RERE: variants seen among roughly 807,000 people sequenced by gnomAD.
The protein encoded by RERE is arginine-glutamic acid dipeptide repeats, also known as arginine-glutamic acid dipeptide repeats protein.
Under a neutral mutation model 146.1 loss-of-function variants are expected in RERE, and 40 were observed. The ratio of observed to expected loss-of-function variants is 0.27; its 90% CI spans 0.21 to 0.36. The LOEUF (loss-of-function observed/expected upper bound fraction) is 0.36. Among genes scored for constraint, RERE ranks in the 10% least tolerant of loss-of-function variants. The probability of loss-of-function intolerance (pLI) is 1.00; values close to 1 mark genes in which losing one functional copy is unlikely to be tolerated. For synonymous variants in RERE, 1,003 were observed against 866.0 expected, an observed-to-expected ratio of 1.16 and a Z score of -2.78; for missense variants, 1,933 against 2,138.7, an observed-to-expected ratio of 0.90 and a Z score of 1.90.
At chr1:8,556,334 G>C (rs1266155013) in intron 6 of RERE, 141 bp downstream of exon 6, 1 of 564,276 alleles carries the variant, frequency 1.8e-6, no homozygotes, top group Admixed American at 2.5e-5. Flanking sequence ...ACAATCCAGA[G>C]CGGACACTGG....
rs1040814453 is a variant in RERE at position 8,376,048 on chromosome 1, C to T, written c.1285-10074G>A. 2.0e-5 allele frequency among the ~76,000 whole-genome samples: 3 copies of T among 152,312 alleles called. No homozygotes were observed. The South Asian group carries it at 6.2e-4, about 32-fold the overall frequency. ...CAACTGAAGCACAGTGAGATGAAGC[C>T]ATGTGGCCAAGCTCAGTTTCAATGA... On this transcript the variant is annotated intron_variant, in intron 12 of 22. Transcript: ENST00000400908.
chr1:8,601,551 G>T (rs1244990254), intron 4 of RERE, among the ~76,000 whole-genome samples: 1 of 150,334 alleles, frequency 6.7e-6, no homozygotes, highest in African/African-American at 2.5e-5. Context: ...GCCTTAAGAT[G>T]TTATTCCCAA....
In RERE at chr1:8,634,615, G is replaced by A. The variant is rs1032746549; in HGVS notation, c.326-10235C>T. The stretch of plus-strand genomic sequence containing the variant: ...AAATGAAACCTGTTCCCTGACTCTC[G>A]AAATCTACCCATACCTACTCCTTCT... On this transcript the variant is annotated intron_variant, in intron 2 of 22. Coordinates refer to ENST00000400908, the MANE Select transcript of RERE (RefSeq NM_001042681.2). 4.6e-5 allele frequency among the ~76,000 whole-genome samples: 7 copies of A among 152,240 alleles called. No individual in the cohort carries two copies. In the South Asian group the frequency reaches 6.2e-4, roughly 14 times the overall value.
Position 8,736,837 on chromosome 1 carries a change from G to A in RERE, c.-145+80323C>T, listed in dbSNP as rs564507511. ...GAGTTATAGGTGTCTGTTACCTCTA[G>A]GAGAAGCAAGGGGGAAAAAAAAAAA... On this transcript the variant is annotated intron_variant, in intron 1 of 22. Coordinates refer to ENST00000400908, the MANE Select transcript of RERE (RefSeq NM_001042681.2). Among the ~76,000 whole-genome samples the A allele has an allele frequency of 6.2e-5, 8 of 129,000 alleles. No homozygotes were observed. In the South Asian group the frequency reaches 2.0e-3, roughly 32 times the overall value. The allele number at this position is 129,000 out of a possible 152,430, so 84.6% of individuals were successfully genotyped here.
intron 4 of RERE, among the ~76,000 whole-genome samples, chr1:8,569,516 A>G (rs1014827983): frequency 3.3e-5 from 5 of 152,220 alleles, no homozygotes; most frequent in Non-Finnish European, 5.9e-5. Context: ...ACATTATTTT[A>G]TAAGTAAGAC....
chr1:8,786,318 C>A, intron 1 of RERE: 1 of 885,808 alleles, frequency 1.1e-6, no homozygotes, highest in Non-Finnish European at 1.9e-6. Context: ...TGAAGGGCCA[C>A]AGGAAGTTAT....
At chr1:8,500,719 A>G (rs1433274321) in intron 8 of RERE, among the ~76,000 whole-genome samples, 9 of 150,988 alleles carry the variant, frequency 6.0e-5, no homozygotes, top group African/African-American at 1.7e-4. Flanking sequence ...CAGTCTGGAA[A>G]GTGAGGAGCG....
chr1:8,407,162 T>C (rs757588318), intron 12 of RERE, among the ~76,000 whole-genome samples: 1 of 152,228 alleles, frequency 6.6e-6, no homozygotes, highest in African/African-American at 2.4e-5. Context: ...CTGCACATTT[T>C]TAGCATAGAA....
chr1:8,500,127 A>G (rs1391514557), intron 8 of RERE, among the ~76,000 whole-genome samples: 1 of 152,216 alleles, frequency 6.6e-6, no homozygotes, highest in African/African-American at 2.4e-5. Flanking sequence ...TCTCAAAATA[A>G]TAACAACAAT....
At chr1:8,597,317 G>C (rs1646566596) in intron 4 of RERE, among the ~76,000 whole-genome samples, 1 of 151,980 alleles carries the variant, frequency 6.6e-6, no homozygotes, top group South Asian at 2.1e-4. Context: ...TCGAACTCCT[G>C]AACTCAAGCA....
chr1:8,390,377 C>T (rs762316913), intron 12 of RERE, among the ~76,000 whole-genome samples: 1 of 152,182 alleles, frequency 6.6e-6, no homozygotes, highest in African/African-American at 2.4e-5. Context: ...GGTTCAGCGC[C>T]CTGGTAGTTT....
At chr1:8,533,697 C>T (rs1419089852) in intron 7 of RERE, among the ~76,000 whole-genome samples, 1 of 152,230 alleles carries the variant, frequency 6.6e-6, no homozygotes, top group African/African-American at 2.4e-5. Context: ...AATCCAGCCT[C>T]ACCATGAGCT....
chr1:8,386,018 ATATATTTTTTTT>A (rs1227868381), intron 12 of RERE, among the ~76,000 whole-genome samples: 14 of 41,906 alleles, frequency 3.3e-4, no homozygotes, highest in African/African-American at 1.3e-3. Context: ...ATATATATAT[ATATATTTTTTTT>A]TTTTTTTTTT....
At chr1:8,537,239 T>C (rs565592784) in intron 7 of RERE, among the ~76,000 whole-genome samples, 127 of 152,252 alleles carry the variant, frequency 8.3e-4, no homozygotes, top group African/African-American at 3.0e-3. Flanking sequence ...TTACTTAAAT[T>C]TCATGGCTAG....
chr1:8,425,085 G>T (rs1380888439), intron 11 of RERE: 1 of 152,282 alleles, frequency 6.6e-6, no homozygotes, highest in African/African-American at 2.4e-5. Flanking sequence ...GCCAGTGGCA[G>T]TGTGGCCTAA....
intron 1 of RERE, among the ~76,000 whole-genome samples, chr1:8,748,451 T>C (rs1353339991): frequency 6.6e-6 from 1 of 152,188 alleles, no homozygotes; most frequent in East Asian, 1.9e-4. Flanking sequence ...TTGCTGTATC[T>C]TGCATAACCC....
At chr1:8,814,604 TCCTCTACC>T (rs1641875755) in intron 1 of RERE, among the ~76,000 whole-genome samples, 1 of 152,184 alleles carries the variant, frequency 6.6e-6, no homozygotes, top group Non-Finnish European at 1.5e-5. Flanking sequence ...CTTCAACTCC[TCCTCTACC>T]CCTCTACCTG....
chr1:8,791,141 A>C (rs1323610973), intron 1 of RERE, among the ~76,000 whole-genome samples: 1 of 152,222 alleles, frequency 6.6e-6, no homozygotes, highest in African/African-American at 2.4e-5. Flanking sequence ...TACTAATGAC[A>C]TGGAAAATCC....
intron 1 of RERE, among the ~76,000 whole-genome samples, chr1:8,800,314 A>G (rs150183330): frequency 1.5e-3 from 231 of 152,216 alleles, no homozygotes; most frequent in African/African-American, 5.4e-3. Context: ...TGCAGTCTTT[A>G]AAGAGTAAAT....
Sources: allele counts gnomAD v4.1 joint callset (sites outside exome capture counted in the v4.1 genomes callset), GRCh38; gene constraint gnomAD v4.1.1; transcripts MANE v1.5; gene names NCBI Gene and HGNC (gene_info 2026-07-23, HGNC 2026-07-21).